Variants in LRRTM4 observed in about 807,000 individuals in gnomAD.
LRRTM4 encodes leucine rich repeat transmembrane neuronal 4, also known as leucine-rich repeat transmembrane neuronal protein 4.
LRRTM4 carries 25 observed loss-of-function variants against 47.6 expected under a neutral mutation model. The ratio of observed to expected loss-of-function variants is 0.53; its 90% CI spans 0.38 to 0.73. The LOEUF (loss-of-function observed/expected upper bound fraction) is 0.73, where lower values mean the gene tolerates loss of function less well. LRRTM4 is among the 30% of genes least tolerant of loss of function. LRRTM4 has a pLI of 0.00. For missense variants in LRRTM4, 638 were observed against 713.4 expected (o/e 0.89, Z 1.20); for synonymous variants, 311 against 269.5 (o/e 1.15, Z -1.51).
intron 3 of LRRTM4, among the ~76,000 whole-genome samples, chr2:76,905,672 C>A (rs1178323844): frequency 0.014 from 2 of 148 alleles, no homozygotes; most frequent in African/African-American, 0.019. Flanking sequence ...TGAGCTGAAA[C>A]CAAGGCTCCA....
At chr2:77,429,054 T>G (rs1371757336) in intron 3 of LRRTM4, among the ~76,000 whole-genome samples, 1 of 152,140 alleles carries the variant, frequency 6.6e-6, no homozygotes, top group Non-Finnish European at 1.5e-5. Context: ...TTTTTATAAA[T>G]AACCTAAAAG....
intron 3 of LRRTM4, among the ~76,000 whole-genome samples, chr2:76,839,041 C>T (rs973953735): frequency 3.3e-5 from 5 of 152,088 alleles, no homozygotes; most frequent in African/African-American, 1.2e-4. Flanking sequence ...AGCCAGATTA[C>T]CTCAAGACCT....
chr2:77,406,213 T>C (rs938364119), intron 3 of LRRTM4, among the ~76,000 whole-genome samples: 2 of 152,102 alleles, frequency 1.3e-5, no homozygotes, highest in Non-Finnish European at 1.5e-5. Flanking sequence ...AGCTGTTGAC[T>C]AGAGTCTGGA....
At chr2:76,774,249 ATCTTGGC>A (rs1249704471) in intron 3 of LRRTM4, among the ~76,000 whole-genome samples, 5 of 151,722 alleles carry the variant, frequency 3.3e-5, no homozygotes, top group Middle Eastern at 3.4e-3. Flanking sequence ...CAGTGGTGCA[ATCTTGGC>A]TCACTGCAAC....
intron 3 of LRRTM4, among the ~76,000 whole-genome samples, chr2:76,980,713 C>T (rs1389795421): frequency 6.6e-6 from 1 of 151,880 alleles, no homozygotes; most frequent in African/African-American, 2.4e-5. Flanking sequence ...CTGAAGTGAG[C>T]CCAGCCAGCA....
intron 3 of LRRTM4, among the ~76,000 whole-genome samples, chr2:76,797,014 G>A (rs1211746075): frequency 2.0e-5 from 3 of 152,110 alleles, no homozygotes; most frequent in Non-Finnish European, 4.4e-5. Context: ...GTGATGGGGA[G>A]AATGCAAACA....
chr2:76,842,469 TAA>T (rs1283023233), intron 3 of LRRTM4, among the ~76,000 whole-genome samples: 7 of 152,216 alleles, frequency 4.6e-5, no homozygotes, highest in African/African-American at 1.4e-4. Flanking sequence ...GAAAATACCA[TAA>T]GTCGAAAATG....
At chr2:76,972,477 G>A (rs1165233174) in intron 3 of LRRTM4, among the ~76,000 whole-genome samples, 1 of 142,444 alleles carries the variant, frequency 7.0e-6, no homozygotes, top group Non-Finnish European at 1.5e-5. Flanking sequence ...GAGTGCAGTG[G>A]TGCAGTTTCA....
intron 3 of LRRTM4, among the ~76,000 whole-genome samples, chr2:76,921,893 G>A (rs1674444175): frequency 6.6e-6 from 1 of 152,018 alleles, no homozygotes; most frequent in South Asian, 2.1e-4. Flanking sequence ...AAGATCTGGG[G>A]TTCTGTGTGT....
At chr2:77,210,608 G>A (rs1044358156) in intron 3 of LRRTM4, among the ~76,000 whole-genome samples, 5 of 151,700 alleles carry the variant, frequency 3.3e-5, no homozygotes, top group Admixed American at 1.3e-4. Flanking sequence ...TGCCATCACC[G>A]TGGGCCAAAC....
intron 3 of LRRTM4, among the ~76,000 whole-genome samples, chr2:77,346,184 T>C (rs72915945): frequency 0.028 from 4,209 of 152,098 alleles, 126 homozygotes; most frequent in African/African-American, 0.079. Flanking sequence ...AACAGATTAG[T>C]ACTTTGCCTA....
intron 3 of LRRTM4, among the ~76,000 whole-genome samples, chr2:76,933,757 T>C (rs1674850227): frequency 6.6e-6 from 1 of 152,080 alleles, no homozygotes; most frequent in Non-Finnish European, 1.5e-5. Flanking sequence ...AGGGAGAAAT[T>C]TCTGAGCACA....
chr2:77,074,588 A>T (rs902982214), intron 3 of LRRTM4, among the ~76,000 whole-genome samples: 1 of 152,068 alleles, frequency 6.6e-6, no homozygotes, highest in African/African-American at 2.4e-5. Context: ...CCATTTTTAC[A>T]TATGTGTATA....
chr2:77,034,471 G>A (rs1286605229), intron 3 of LRRTM4, among the ~76,000 whole-genome samples: 1 of 151,844 alleles, frequency 6.6e-6, no homozygotes. Flanking sequence ...TTAAAAACAT[G>A]ATGCCTTTCA....
chr2:77,341,874 G>A (rs1056765763), intron 3 of LRRTM4, among the ~76,000 whole-genome samples: 5 of 151,910 alleles, frequency 3.3e-5, no homozygotes, highest in Admixed American at 2.0e-4. Flanking sequence ...CACTTGGAAA[G>A]GTCCCTGTAA....
In LRRTM4 at chr2:76,989,230, A is replaced by G. The variant is rs1676917271; in HGVS notation, c.1552-240314T>C. 2.6e-5 allele frequency among the ~76,000 whole-genome samples: 4 copies of G among 151,782 alleles called. No individual in the cohort carries two copies. In the South Asian group the frequency reaches 8.3e-4, roughly 31 times the overall value. Reference sequence around the variant, plus strand: ...AAGTGACTGAGTAGCAGGTAGATTGAAAATTTAATAATCTATTTAATATGG... The same window carrying G: ...AAGTGACTGAGTAGCAGGTAGATTGGAAATTTAATAATCTATTTAATATGG... On this transcript the variant is annotated intron_variant, in intron 3 of 3. Transcript: ENST00000409884.
intron 3 of LRRTM4, among the ~76,000 whole-genome samples, chr2:76,797,532 C>T (rs1020227171): frequency 1.1e-4 from 16 of 151,972 alleles, no homozygotes; most frequent in Admixed American, 8.5e-4. Flanking sequence ...TAAAGACCAT[C>T]GAGACTAGGA....
At chr2:76,825,956 T>C (rs1367783760) in intron 3 of LRRTM4, among the ~76,000 whole-genome samples, 1 of 151,762 alleles carries the variant, frequency 6.6e-6, no homozygotes, top group Non-Finnish European at 1.5e-5. Flanking sequence ...AATATATTTT[T>C]ACAAACCACA....
chr2:77,471,736 G>T (rs1359473934), intron 3 of LRRTM4, among the ~76,000 whole-genome samples: 2 of 152,144 alleles, frequency 1.3e-5, no homozygotes, highest in Non-Finnish European at 2.9e-5. Context: ...AGTGATCTGT[G>T]CTGACTGCTT....
Sources: gnomAD v4.1 joint callset for allele counts (sites outside exome capture counted in the v4.1 genomes callset) on GRCh38, gnomAD v4.1.1 for gene constraint, MANE v1.5 for transcripts, NCBI Gene and HGNC (gene_info 2026-07-23, HGNC 2026-07-21) for gene names.